TMEM150C: variants seen among roughly 807,000 people sequenced by gnomAD.
TMEM150C encodes tentonin 3.
A neutral mutation model predicts 29.9 loss-of-function variants in TMEM150C; 10 were observed. The observed-to-expected ratio is 0.33, with a 90% CI of 0.21 to 0.57. TMEM150C has a LOEUF of 0.57. Ranked by LOEUF, TMEM150C falls within the 20% of genes least tolerant of loss-of-function variation. The pLI is 0.88. For synonymous variants in TMEM150C, 101 were observed against 112.5 expected (o/e 0.90, Z 0.64); for missense variants, 251 against 303.6 (o/e 0.83, Z 1.29).
chr4:82,551,677 A>G (rs1578158385), intron 1 of TMEM150C, among the ~76,000 whole-genome samples: 1 of 152,062 alleles, frequency 6.6e-6, no homozygotes, highest in African/African-American at 2.4e-5. Flanking sequence ...TCTGGAAAGC[A>G]CCACCTGATG....
intron 1 of TMEM150C, among the ~76,000 whole-genome samples, chr4:82,531,053 G>T (rs906720255): frequency 2.0e-5 from 3 of 152,166 alleles, no homozygotes; most frequent in Admixed American, 2.0e-4. Flanking sequence ...TTTGACATGA[G>T]ATTTGGGTGG....
intron 1 of TMEM150C, among the ~76,000 whole-genome samples, chr4:82,543,569 T>C (rs1033659222): frequency 6.6e-6 from 1 of 152,200 alleles, no homozygotes; most frequent in African/African-American, 2.4e-5. Context: ...CTAACTAGTC[T>C]AGCCAGATTT....
At chr4:82,512,571 C>T (rs1724162057) in intron 1 of TMEM150C, among the ~76,000 whole-genome samples, 1 of 152,116 alleles carries the variant, frequency 6.6e-6, no homozygotes. Context: ...AATGAAGGCT[C>T]ATATGATAAC....
intron 1 of TMEM150C, among the ~76,000 whole-genome samples, chr4:82,547,285 GAA>G (rs769811228): frequency 1.4e-5 from 2 of 143,072 alleles, no homozygotes; most frequent in African/African-American, 2.5e-5. Flanking sequence ...CAACAAACAT[GAA>G]AAAAAAAAAA....
chr4:82,504,474 T>C (rs1284533806), intron 2 of TMEM150C, 104 bp downstream of exon 2: 12 of 852,550 alleles, frequency 1.4e-5, no homozygotes, highest in Non-Finnish European at 2.2e-5. Flanking sequence ...GTGCTGAGAT[T>C]ACAGGCATGA....
intron 1 of TMEM150C, among the ~76,000 whole-genome samples, chr4:82,537,604 G>A (rs1254331956): frequency 6.6e-6 from 1 of 152,192 alleles, no homozygotes; most frequent in Non-Finnish European, 1.5e-5. Flanking sequence ...CCCATTACCT[G>A]TGAGTGTCAT....
chr4:82,527,019 C>CTTTTTTTTT (rs893109064), intron 1 of TMEM150C, among the ~76,000 whole-genome samples: 2 of 74,720 alleles, frequency 2.7e-5, no homozygotes, highest in Non-Finnish European at 4.8e-5. Context: ...CATACTGGGT[C>CTTTTTTTTT]TTTTTTTTTT....
At chr4:82,498,633 C>G (rs186573723) in intron 5 of TMEM150C, among the ~76,000 whole-genome samples, 34 of 152,210 alleles carry the variant, frequency 2.2e-4, no homozygotes, top group Non-Finnish European at 3.2e-4. Flanking sequence ...ACTCTGAGAA[C>G]TCTCTGCTGG....
chr4:82,517,596 A>C (rs893720551), intron 1 of TMEM150C, among the ~76,000 whole-genome samples: 6 of 152,158 alleles, frequency 3.9e-5, no homozygotes, highest in Non-Finnish European at 8.8e-5. Context: ...TCAGAACTCC[A>C]GTCTCAGCCT....
intron 1 of TMEM150C, among the ~76,000 whole-genome samples, chr4:82,548,071 AG>A (rs1725443698): frequency 6.6e-6 from 1 of 152,266 alleles, no homozygotes; most frequent in African/African-American, 2.4e-5. Flanking sequence ...ATACAGCTAG[AG>A]GCCATTATCC....
intron 1 of TMEM150C, among the ~76,000 whole-genome samples, chr4:82,535,474 G>A (rs1578147271): frequency 6.6e-6 from 1 of 152,154 alleles, no homozygotes; most frequent in East Asian, 1.9e-4. Context: ...GATTTGGAGG[G>A]GAGATTCAAA....
intron 1 of TMEM150C, 132 bp from the exon 2 acceptor site, chr4:82,504,799 G>C (rs1723858488): frequency 1.7e-6 from 1 of 601,464 alleles, no homozygotes; most frequent in Non-Finnish European, 3.0e-6. Context: ...GGGAGGCCGA[G>C]GTGGGCGGAT....
intron 1 of TMEM150C, among the ~76,000 whole-genome samples, chr4:82,538,895 T>C (rs960884373): frequency 6.6e-6 from 1 of 152,014 alleles, no homozygotes; most frequent in Non-Finnish European, 1.5e-5. Context: ...ACCTTAACTA[T>C]ACCAAAAATA....
In TMEM150C at chr4:82,540,238, G is replaced by A. The variant is rs931409027; in HGVS notation, c.-11+21668C>T. On this transcript the variant is annotated intron_variant, in intron 1 of 7. Coordinates refer to ENST00000449862, the MANE Select transcript of TMEM150C (RefSeq NM_001080506.3). ...TGATCCTCCCATTTCAGCCTCCTGA[G>A]TAGCTGGGACTACAGGTGCATGCCA... Among the ~76,000 whole-genome samples the A allele has an allele frequency of 2.2e-4, 31 of 142,550 alleles. 1 individual carries two copies. The highest frequency in any genetic ancestry group is 8.1e-4 in the African/African-American group (31 of 38,394). 93.5% of individuals were successfully genotyped at this position (142,550 alleles called of 152,430 possible).
At chr4:82,551,702 T>G (rs146444000) in intron 1 of TMEM150C, among the ~76,000 whole-genome samples, 135 of 152,272 alleles carry the variant, frequency 8.9e-4, no homozygotes, top group African/African-American at 3.2e-3. Context: ...TCCCCTTATC[T>G]ATCCAGGGCG....
intron 6 of TMEM150C, 44 bp downstream of exon 6, chr4:82,496,024 T>A (rs776917795): frequency 9.3e-6 from 15 of 1,612,530 alleles, no homozygotes; most frequent in Non-Finnish European, 8.5e-6. Context: ...GAAGTGAAGG[T>A]CTTACCAGTG....
intron 6 of TMEM150C, among the ~76,000 whole-genome samples, chr4:82,492,422 C>T (rs780998060): frequency 6.6e-6 from 1 of 151,970 alleles, no homozygotes; most frequent in Non-Finnish European, 1.5e-5. Context: ...GCCAACACAC[C>T]CGGCCCTAAT....
chr4:82,539,288 G>C (rs74655248), intron 1 of TMEM150C, among the ~76,000 whole-genome samples: 1 of 152,062 alleles, frequency 6.6e-6, no homozygotes, highest in East Asian at 1.9e-4. Context: ...CATTAATGCT[G>C]TTCTGGCCGT....
intron 1 of TMEM150C, among the ~76,000 whole-genome samples, chr4:82,558,804 G>C (rs962335573): frequency 6.6e-6 from 1 of 152,214 alleles, no homozygotes; most frequent in Non-Finnish European, 1.5e-5. Context: ...GGGGCTGTCA[G>C]GCTTCTGAGC....
Sources: allele counts gnomAD v4.1 joint callset (sites outside exome capture counted in the v4.1 genomes callset), GRCh38; gene constraint gnomAD v4.1.1; transcripts MANE v1.5; gene names NCBI Gene and HGNC (gene_info 2026-07-23, HGNC 2026-07-21).